Variants in ACOXL observed in about 807,000 individuals in gnomAD.
ACOXL encodes the protein acyl-coenzyme A oxidase-like protein.
ACOXL carries 70 observed loss-of-function variants against 71.9 expected under a neutral mutation model. The observed-to-expected ratio is 0.97, with a 90% CI of 0.80 to 1.19. The LOEUF is 1.19. Ranked by LOEUF, ACOXL falls within the 50% of genes most tolerant of loss-of-function variation. The pLI is 0.00. For synonymous variants in ACOXL, 253 were observed against 281.6 expected (o/e 0.90, Z 1.02); for missense variants, 703 against 736.3 (o/e 0.95, Z 0.52).
intron 1 of ACOXL, among the ~76,000 whole-genome samples, chr2:110,753,678 ATTC>A (rs1424997225): frequency 6.6e-6 from 1 of 152,240 alleles, no homozygotes; most frequent in Middle Eastern, 3.2e-3. Flanking sequence ...TGATAAGAAC[ATTC>A]TTCTATGACA....
chr2:110,958,513 C>T lies in ACOXL; in HGVS notation c.1059+24871C>T, dbSNP rs114664934. On this transcript the variant is annotated intron_variant, in intron 12 of 17. Transcript: ENST00000439055. ...ATCCCCCAGGCTTCCATTCAGTTGG[C>T]AGCTCCAAATGGACACAGAAGCTTG... Among the ~76,000 whole-genome samples, 1,331 of 152,352 alleles carry T rather than the reference C, an allele frequency of 8.7e-3. 16 individuals are homozygous for T. The highest frequency in any genetic ancestry group is 0.011 in the Non-Finnish European group (760 of 68,042).
intron 11 of ACOXL, among the ~76,000 whole-genome samples, chr2:110,929,828 G>A (rs553821165): frequency 3.3e-5 from 5 of 152,290 alleles, no homozygotes; most frequent in African/African-American, 1.2e-4. Flanking sequence ...CCCAAGTCTT[G>A]GCAGCTTCCA....
intron 10 of ACOXL, among the ~76,000 whole-genome samples, chr2:110,907,279 C>G (rs1432949270): frequency 6.6e-6 from 1 of 152,116 alleles, no homozygotes; most frequent in East Asian, 1.9e-4. Flanking sequence ...CCAATTCTAT[C>G]AGATAGGATC....
At chr2:110,741,444 A>G (rs1382672480) in intron 1 of ACOXL, among the ~76,000 whole-genome samples, 1 of 152,160 alleles carries the variant, frequency 6.6e-6, no homozygotes, top group Non-Finnish European at 1.5e-5. Flanking sequence ...AAATTTTAGA[A>G]GGACACCAGT....
intron 9 of ACOXL, among the ~76,000 whole-genome samples, chr2:110,830,811 G>C (rs2105629624): frequency 6.6e-6 from 1 of 152,276 alleles, no homozygotes; most frequent in South Asian, 2.1e-4. Flanking sequence ...GGGATTACAG[G>C]CGTGAGCCAC....
chr2:111,088,142 A>G (rs533838543), intron 16 of ACOXL, among the ~76,000 whole-genome samples: 25 of 152,218 alleles, frequency 1.6e-4, no homozygotes, highest in Non-Finnish European at 3.1e-4. Context: ...TCAAAAAATA[A>G]CAGATGCTGG....
intron 9 of ACOXL, among the ~76,000 whole-genome samples, chr2:110,809,208 G>T (rs945385288): frequency 6.6e-6 from 1 of 152,244 alleles, no homozygotes; most frequent in African/African-American, 2.4e-5. Context: ...CGCAGACACT[G>T]CTCCCCATAG....
At chr2:110,966,904 A>G (rs1406489469) in intron 12 of ACOXL, among the ~76,000 whole-genome samples, 2 of 152,232 alleles carry the variant, frequency 1.3e-5, no homozygotes, top group Admixed American at 6.5e-5. Flanking sequence ...GGGACCTAGC[A>G]GGAAAGTGAA....
chr2:110,856,852 T>A (rs1693313592), intron 10 of ACOXL, among the ~76,000 whole-genome samples: 1 of 152,222 alleles, frequency 6.6e-6, no homozygotes, highest in East Asian at 1.9e-4. Flanking sequence ...GCAAAGAGAA[T>A]ATACAATGTA....
intron 11 of ACOXL, among the ~76,000 whole-genome samples, chr2:110,928,015 C>G (rs1474052780): frequency 1.3e-5 from 2 of 152,130 alleles, no homozygotes; most frequent in African/African-American, 4.8e-5. Context: ...AGTCCACCAG[C>G]CAAAGTGAGT....
At chr2:110,743,533 AAAAC>A (rs1480245069) in intron 1 of ACOXL, among the ~76,000 whole-genome samples, 5 of 152,208 alleles carry the variant, frequency 3.3e-5, no homozygotes, top group African/African-American at 7.2e-5. Flanking sequence ...GGTTTGGAAA[AAAAC>A]AAACCCAAGT....
At chr2:110,787,526 TC>T (rs1210871207) in intron 3 of ACOXL, among the ~76,000 whole-genome samples, 2 of 108,836 alleles carry the variant, frequency 1.8e-5, no homozygotes, top group Admixed American at 2.4e-4. Flanking sequence ...AGAGCAAGAC[TC>T]CGTCTCAAAA....
At chr2:111,070,536 A>G (rs1425518294) in intron 16 of ACOXL, among the ~76,000 whole-genome samples, 1 of 152,158 alleles carries the variant, frequency 6.6e-6, no homozygotes, top group East Asian at 1.9e-4. Context: ...CAGAATAACT[A>G]CTGGATACTA....
intron 10 of ACOXL, among the ~76,000 whole-genome samples, chr2:110,888,472 A>G (rs1049370938): frequency 4.6e-5 from 7 of 152,122 alleles, no homozygotes; most frequent in African/African-American, 1.7e-4. Context: ...TCTTTATCTC[A>G]GGTACACTTA....
At chr2:110,816,414 C>T (rs972355232) in intron 9 of ACOXL, among the ~76,000 whole-genome samples, 3 of 152,212 alleles carry the variant, frequency 2.0e-5, no homozygotes, top group Non-Finnish European at 4.4e-5. Flanking sequence ...GCCCTGGAAT[C>T]ATGAATTAAA....
chr2:111,018,253 G>A (rs1373028263), intron 14 of ACOXL, among the ~76,000 whole-genome samples: 1 of 152,062 alleles, frequency 6.6e-6, no homozygotes, highest in Non-Finnish European at 1.5e-5. Flanking sequence ...GGAGGGAGGA[G>A]GCACATACCG....
At chr2:110,850,004 G>A (rs746461531) in intron 10 of ACOXL, among the ~76,000 whole-genome samples, 2 of 152,180 alleles carry the variant, frequency 1.3e-5, no homozygotes, top group Non-Finnish European at 2.9e-5. Flanking sequence ...AAATGATTCA[G>A]TGGAGAAAGG....
chr2:110,953,500 G>A (rs1558781037), intron 12 of ACOXL, among the ~76,000 whole-genome samples: 1 of 152,060 alleles, frequency 6.6e-6, no homozygotes, highest in Non-Finnish European at 1.5e-5. Context: ...TTTCAAAGGA[G>A]ACCAATAGAT....
At chr2:110,970,349 C>G (rs1029495515) in intron 12 of ACOXL, among the ~76,000 whole-genome samples, 7 of 152,192 alleles carry the variant, frequency 4.6e-5, no homozygotes, top group African/African-American at 1.7e-4. Context: ...AAAAATCAAT[C>G]AAATGCAATC....
Sources: allele counts gnomAD v4.1 joint callset (sites outside exome capture counted in the v4.1 genomes callset), GRCh38; gene constraint gnomAD v4.1.1; transcripts MANE v1.5; gene names NCBI Gene and HGNC (gene_info 2026-07-23, HGNC 2026-07-21).